DIP2C: variants seen among roughly 807,000 people sequenced by gnomAD.
The protein encoded by DIP2C is disco-interacting protein 2 homolog C.
A neutral mutation model predicts 192.4 loss-of-function variants in DIP2C; 33 were observed. That is an observed-to-expected ratio of 0.17 (90% CI 0.13 to 0.23). The LOEUF (loss-of-function observed/expected upper bound fraction) is 0.23, where lower values mean the gene tolerates loss of function less well. DIP2C is among the 10% of genes least tolerant of loss of function. DIP2C has a pLI of 1.00. For missense variants in DIP2C, 1,537 were observed against 2,110.1 expected, an observed-to-expected ratio of 0.73 and a Z score of 5.32; for synonymous variants, 979 against 864.1, an observed-to-expected ratio of 1.13 and a Z score of -2.33.
chr10:478,966 A>AGG (rs1403555072), intron 2 of DIP2C, among the ~76,000 whole-genome samples: 1 of 152,136 alleles, frequency 6.6e-6, no homozygotes, highest in Non-Finnish European at 1.5e-5. Context: ...CCCAGCACCC[A>AGG]GGGGCAAGCG....
At chr10:615,431 C>A (rs116868735) in intron 1 of DIP2C, among the ~76,000 whole-genome samples, 1 of 152,104 alleles carries the variant, frequency 6.6e-6, no homozygotes, top group Non-Finnish European at 1.5e-5. Context: ...TCCTCAGGGA[C>A]GCTAAATTTG....
intron 1 of DIP2C, among the ~76,000 whole-genome samples, chr10:681,071 C>T (rs1200673770): frequency 6.6e-6 from 1 of 152,016 alleles, no homozygotes; most frequent in Non-Finnish European, 1.5e-5. Flanking sequence ...CCAGGGAATG[C>T]AGGCCCCAGT....
chr10:562,768 TA>T (rs944440625), intron 1 of DIP2C, among the ~76,000 whole-genome samples: 4 of 152,228 alleles, frequency 2.6e-5, no homozygotes, highest in Admixed American at 6.5e-5. Flanking sequence ...TGGTCTACTC[TA>T]AAATATTCTA....
chr10:305,296 C>A lies in DIP2C; in HGVS notation c.3986+4735G>T, dbSNP rs532420946. On this transcript the variant is annotated intron_variant, in intron 32 of 36. Transcript: ENST00000280886. ...AGACACTATTCACACACTTGCAAAA[C>A]ACACATGCATGTATGCACAGCACAC... is the stretch of plus-strand genomic sequence containing the variant. Among the ~76,000 whole-genome samples the A allele has an allele frequency of 2.0e-5, 3 of 152,316 alleles. No individual in the cohort carries two copies. The East Asian group carries it at 5.8e-4, about 29-fold the overall frequency.
chr10:378,598 C>T (rs1227289752), intron 17 of DIP2C, among the ~76,000 whole-genome samples: 1 of 144,056 alleles, frequency 6.9e-6, no homozygotes, highest in South Asian at 2.3e-4. Context: ...GACATAGACA[C>T]ACATGAACAG....
chr10:430,277 A>G (rs1232376778), intron 4 of DIP2C: 1 of 152,202 alleles, frequency 6.6e-6, no homozygotes, highest in African/African-American at 2.4e-5. Flanking sequence ...TCTGGAGCAC[A>G]ATTCCAAGGC....
At chr10:514,490 C>T (rs907339323) in intron 1 of DIP2C, among the ~76,000 whole-genome samples, 78 of 152,318 alleles carry the variant, frequency 5.1e-4, no homozygotes, top group African/African-American at 1.9e-3. Flanking sequence ...CAATGTTCAC[C>T]AGAGGGTTCT....
Position 651,070 on chromosome 10 carries a change from C to T in DIP2C, c.85+38424G>A. 1 of 717,520 alleles carries T rather than the reference C, an allele frequency of 1.4e-6. No homozygotes were observed. The highest frequency in any genetic ancestry group is 2.6e-6 in the Non-Finnish European group (1 of 385,108). 44.4% of individuals were successfully genotyped at this position (717,520 alleles called of 1,614,324 possible). ...ATCCTAGCCCCTGCCACCCCTCCTG[C>T]TCTTGTCTCTCCCACACCTCCCAAA... On this transcript the variant is annotated intron_variant, in intron 1 of 36. Coordinates refer to ENST00000280886, the MANE Select transcript of DIP2C (RefSeq NM_014974.3). This position sits in a 1 kb window ranked among gnomAD's most constrained non-coding sequence, Gnocchi z 4.1.
rs188995991 is a variant in DIP2C at position 363,345 on chromosome 10, C to T, written c.2478-34G>A. On this transcript the variant is annotated intron_variant, in intron 20 of 36. Coordinates refer to ENST00000280886, the MANE Select transcript of DIP2C (RefSeq NM_014974.3). The surrounding 1 kb of genome is among the most constrained non-coding windows in gnomAD (Gnocchi z 5.4). ...ACACAGGAGCATGGTGAGCACGCGCCGGGGACGCTCATGCAGCCCTCCCTC... is the reference window on the plus strand; with the variant it reads ...ACACAGGAGCATGGTGAGCACGCGCTGGGGACGCTCATGCAGCCCTCCCTC... The T allele has an allele frequency of 2.6e-5, 41 of 1,589,712 alleles. No individual in the cohort carries two copies. Among genetic ancestry groups the T allele is most frequent in the African/African-American group, 1.5e-4 (11 of 74,626 alleles).
chr10:662,649 AT>A (rs199958237), intron 1 of DIP2C: 61 of 562,206 alleles, frequency 1.1e-4, no homozygotes, highest in South Asian at 2.0e-4. Flanking sequence ...ATATGGGGGA[AT>A]TTTTTTTTCT....
At chr10:292,559 G>A (rs951299088) in intron 32 of DIP2C, among the ~76,000 whole-genome samples, 3 of 152,210 alleles carry the variant, frequency 2.0e-5, no homozygotes, top group Non-Finnish European at 4.4e-5. Context: ...TTAGCAACCT[G>A]TTTTGCTAGA....
intron 1 of DIP2C, among the ~76,000 whole-genome samples, chr10:562,028 A>G (rs1391827472): frequency 6.6e-6 from 1 of 152,242 alleles, no homozygotes; most frequent in African/African-American, 2.4e-5. Context: ...ATAATCAGCA[A>G]GCGGACGTTC....
At chr10:594,073 G>A (rs776724129) in intron 1 of DIP2C, among the ~76,000 whole-genome samples, 6 of 152,204 alleles carry the variant, frequency 3.9e-5, no homozygotes, top group African/African-American at 1.2e-4. Flanking sequence ...CAGAGCAGCC[G>A]TGCACAGATC....
Position 673,726 on chromosome 10 carries a change from C to G in DIP2C, c.85+15768G>C, listed in dbSNP as rs534531145. On this transcript the variant is annotated intron_variant, in intron 1 of 36. Coordinates refer to ENST00000280886, the MANE Select transcript of DIP2C (RefSeq NM_014974.3). Reference sequence around the variant, plus strand: ...CGTCCTTGTTTGACTTACACACTTCCCAGAAGGGCTGATTTTATCCAGAAT... The same window carrying G: ...CGTCCTTGTTTGACTTACACACTTCGCAGAAGGGCTGATTTTATCCAGAAT... Among the ~76,000 whole-genome samples the G allele has an allele frequency of 2.1e-3, 324 of 152,224 alleles. 1 individual carries two copies. The highest frequency in any genetic ancestry group is 6.8e-3 in the Middle Eastern group (2 of 294).
intron 6 of DIP2C, among the ~76,000 whole-genome samples, chr10:417,746 TCGGA>T (rs1564685132): frequency 4.0e-5 from 5 of 126,152 alleles, no homozygotes; most frequent in African/African-American, 1.7e-4. Context: ...CTGTCAGGGC[TCGGA>T]TAGGCATCCC....
chr10:586,229 A>G (rs1851011547), intron 1 of DIP2C, among the ~76,000 whole-genome samples: 1 of 152,250 alleles, frequency 6.6e-6, no homozygotes, highest in East Asian at 1.9e-4. Flanking sequence ...ACACATGGGA[A>G]GGCCCTGCAG....
intron 17 of DIP2C, among the ~76,000 whole-genome samples, chr10:375,287 G>A (rs1039188870): frequency 1.3e-5 from 2 of 151,990 alleles, no homozygotes; most frequent in Non-Finnish European, 2.9e-5. Flanking sequence ...TCTCTTGCTC[G>A]CTCAATCTCT....
intron 29 of DIP2C, among the ~76,000 whole-genome samples, chr10:337,958 G>T (rs1957947397): frequency 6.7e-6 from 1 of 149,646 alleles, no homozygotes; most frequent in Admixed American, 6.6e-5. Context: ...AGACAGTCGT[G>T]TGTGTGTGTG....
intron 8 of DIP2C, 64 bp downstream of exon 8, chr10:413,849 C>A (rs1965350957): frequency 6.4e-7 from 1 of 1,558,688 alleles, no homozygotes; most frequent in Non-Finnish European, 8.7e-7. Context: ...CACTGAGTTT[C>A]CTGCGTTCGG....
Sources: gnomAD v4.1 joint callset for allele counts (sites outside exome capture counted in the v4.1 genomes callset) on GRCh38, gnomAD v4.1.1 for gene constraint, Gnocchi (gnomAD v3.1) non-coding constraint, MANE v1.5 for transcripts, NCBI Gene and HGNC (gene_info 2026-07-23, HGNC 2026-07-21) for gene names.